The following MAGI3 variants were observed in gnomAD, a reference collection of about 807,000 sequenced individuals.
MAGI3 encodes the protein membrane-associated guanylate kinase, WW and PDZ domain-containing protein 3.
A neutral mutation model predicts 121.8 loss-of-function variants in MAGI3; 43 were observed. That is an observed-to-expected ratio of 0.35 (90% confidence interval 0.28 to 0.46). The LOEUF is 0.46. Among genes scored for constraint, MAGI3 ranks in the 20% least tolerant of loss-of-function variants. MAGI3 has a pLI of 1.00. For synonymous variants in MAGI3, 553 were observed against 639.3 expected, an observed-to-expected ratio of 0.86 and a Z score of 2.04; for missense variants, 1,547 against 1,797.3, an observed-to-expected ratio of 0.86 and a Z score of 2.52.
chr1:113,658,175 A>G lies in MAGI3; in HGVS notation c.2630-905A>G, dbSNP rs1653582084. ...GGAAATTCTCAGAGAACATAGAAGG[A>G]ACATTTGTTTCCTAATACAAATGCT... is the stretch of plus-strand genomic sequence containing the variant. On this transcript the variant is annotated intron_variant, in intron 15 of 20. Transcript: ENST00000307546. This position sits in a 1 kb window ranked among gnomAD's most constrained non-coding sequence, Gnocchi z 4.0. Among the ~76,000 whole-genome samples the G allele has an allele frequency of 6.6e-6, 1 of 152,260 alleles. No homozygotes were observed.
At chr1:113,612,610 T>C (rs187759527) in intron 6 of MAGI3, among the ~76,000 whole-genome samples, 42 of 139,624 alleles carry the variant, frequency 3.0e-4, no homozygotes, top group Non-Finnish European at 5.7e-4. Context: ...TAAATTGCCC[T>C]GTGTGAAAAC....
intron 2 of MAGI3, among the ~76,000 whole-genome samples, chr1:113,574,323 G>A (rs1647489951): frequency 6.6e-6 from 1 of 152,084 alleles, no homozygotes; most frequent in Non-Finnish European, 1.5e-5. Context: ...TCTTTGCAGT[G>A]GCTGGTACCA....
At chr1:113,574,706 A>G (rs540785227) in intron 2 of MAGI3, among the ~76,000 whole-genome samples, 40 of 152,228 alleles carry the variant, frequency 2.6e-4, no homozygotes, top group African/African-American at 5.5e-4. Flanking sequence ...AGTGTTCTCT[A>G]TATTTCCTGA....
rs909885712 is a variant in MAGI3, at chr1:113,450,774, G to A, written c.316+59425G>A. The A allele has an allele frequency of 3.7e-6, 3 of 816,516 alleles. No individual in the cohort carries two copies. The African/African-American group carries it at 5.0e-5, about 14-fold the overall frequency. 50.6% of individuals were successfully genotyped at this position (816,516 alleles called of 1,614,324 possible). On this transcript the variant is annotated intron_variant, in intron 1 of 20. Coordinates refer to ENST00000307546, the MANE Select transcript of MAGI3 (RefSeq NM_001142782.2). ...GCTACAGTTCTTAGTAGGAGAGAGA[G>A]CGAGGAGTTGTCAGGAAAACTGCAG...
chr1:113,597,943 G>A (rs1225253021), intron 6 of MAGI3, among the ~76,000 whole-genome samples: 1 of 152,194 alleles, frequency 6.6e-6, no homozygotes, highest in African/African-American at 2.4e-5. Context: ...GCCAGGCACG[G>A]TGGCTCACAC....
rs1648282977 is a variant in MAGI3 at position 113,449,881 on chromosome 1, A to G, written c.316+58532A>G. 61 of 1,520,404 alleles carry G rather than the reference A, an allele frequency of 4.0e-5. No individual in the cohort carries two copies. The South Asian group carries it at 6.7e-4, about 17-fold the overall frequency. 94.2% of individuals were successfully genotyped at this position (1,520,404 alleles called of 1,614,324 possible). A position where few individuals can be genotyped will look rare whatever the true frequency, so the allele number is the denominator to read the frequency against. On this transcript the variant is annotated intron_variant, in intron 1 of 20. Coordinates refer to ENST00000307546, the MANE Select transcript of MAGI3 (RefSeq NM_001142782.2). ...TCCAGGGGCTTTGGTTTTGTGACTT[A>G]TTCTTGTGTTGAAGAGGTGGATGCA... is the stretch of plus-strand genomic sequence containing the variant.
At chr1:113,444,437 A>G (rs1183153573) in intron 1 of MAGI3, among the ~76,000 whole-genome samples, 1 of 152,204 alleles carries the variant, frequency 6.6e-6, no homozygotes, top group African/African-American at 2.4e-5. Flanking sequence ...GAAAGGCTAG[A>G]ATATTCAAAA....
chr1:113,545,083 GTTTTT>G lies in MAGI3; in HGVS notation c.317-4426_317-4422del, dbSNP rs71962960. ...GTTTTTTGTTTGTTTGTTTTGTTTTGTTTTTTTTTTACAAAATCACTGAGAATATG... is the reference window on the plus strand; with the variant it reads ...GTTTTTTGTTTGTTTGTTTTGTTTTGTTTTTACAAAATCACTGAGAATATG... On this transcript the variant is annotated intron_variant, in intron 1 of 20. Coordinates refer to ENST00000307546, the MANE Select transcript of MAGI3 (RefSeq NM_001142782.2). Among the ~76,000 whole-genome samples the G allele has an allele frequency of 1.5e-3, 219 of 143,372 alleles. 1 individual carries two copies. The highest frequency in any genetic ancestry group is 2.7e-4 in the Non-Finnish European group (18 of 65,524). The allele number at this position is 143,372 out of a possible 152,430, so 94.1% of individuals were successfully genotyped here.
intron 1 of MAGI3, among the ~76,000 whole-genome samples, chr1:113,531,337 T>G (rs1218624550): frequency 1.3e-5 from 2 of 152,172 alleles, no homozygotes; most frequent in Non-Finnish European, 2.9e-5. Context: ...TGCTGGCACT[T>G]GATGATAAAA....
chr1:113,634,019 C>G (rs1651836031), intron 9 of MAGI3, among the ~76,000 whole-genome samples: 1 of 150,926 alleles, frequency 6.6e-6, no homozygotes, highest in Admixed American at 6.6e-5. Flanking sequence ...TGTTTTTTGG[C>G]TGCATAAATG....
intron 1 of MAGI3, among the ~76,000 whole-genome samples, chr1:113,416,023 T>TGAA (rs1652291138): frequency 6.7e-6 from 1 of 149,582 alleles, no homozygotes; most frequent in African/African-American, 2.4e-5. Context: ...AATTATGTAA[T>TGAA]TAATGACACA....
intron 1 of MAGI3, among the ~76,000 whole-genome samples, chr1:113,433,761 T>G (rs1160178784): frequency 2.6e-5 from 4 of 152,214 alleles, no homozygotes; most frequent in East Asian, 1.9e-4. Context: ...GTCTTTTTTT[T>G]GTAACCTTTG....
intron 1 of MAGI3, among the ~76,000 whole-genome samples, chr1:113,448,877 T>G (rs990338883): frequency 6.6e-6 from 1 of 152,126 alleles, no homozygotes; most frequent in East Asian, 1.9e-4. Flanking sequence ...TCCAGCACTT[T>G]GAGAGGCGAG....
intron 8 of MAGI3, among the ~76,000 whole-genome samples, chr1:113,620,138 G>A (rs1383216107): frequency 6.6e-6 from 1 of 152,054 alleles, no homozygotes; most frequent in African/African-American, 2.4e-5. Flanking sequence ...ACCAATATTA[G>A]GTCTCCAGTT....
chr1:113,679,606 C>T (rs775985503), intron 19 of MAGI3, among the ~76,000 whole-genome samples: 1 of 152,048 alleles, frequency 6.6e-6, no homozygotes, highest in Non-Finnish European at 1.5e-5. Flanking sequence ...ACATATTTTC[C>T]CTTTTTCTTT....
Position 113,391,445 on chromosome 1 carries a change from C to A in MAGI3, c.316+96C>A. On this transcript the variant is annotated intron_variant, in intron 1 of 20. Transcript: ENST00000307546. This position sits in a 1 kb window ranked among gnomAD's most constrained non-coding sequence, Gnocchi z 4.4. ...GCGGCACCTCCCCACCGCGTATTGTCCCGGGTAATCTTAGACCTCTAGGGT... is the reference window on the plus strand; with the variant it reads ...GCGGCACCTCCCCACCGCGTATTGTACCGGGTAATCTTAGACCTCTAGGGT... The A allele has an allele frequency of 7.4e-7, 1 of 1,349,388 alleles. No homozygotes were observed. The highest frequency in any genetic ancestry group is 1.0e-6 in the Non-Finnish European group (1 of 975,656). The allele number at this position is 1,349,388 out of a possible 1,614,324, so 83.6% of individuals were successfully genotyped here. A position where few individuals can be genotyped will look rare whatever the true frequency, so the allele number is the denominator to read the frequency against.
chr1:113,451,318 G>A (rs1359231710), intron 1 of MAGI3, among the ~76,000 whole-genome samples: 1 of 152,054 alleles, frequency 6.6e-6, no homozygotes, highest in Non-Finnish European at 1.5e-5. Flanking sequence ...ACAGATAGTT[G>A]ACTATTTTTC....
intron 1 of MAGI3, among the ~76,000 whole-genome samples, chr1:113,468,882 TG>T (rs1463601902): frequency 1.3e-5 from 2 of 152,190 alleles, no homozygotes; most frequent in Non-Finnish European, 2.9e-5. Flanking sequence ...GAGCTCCTTA[TG>T]GGGAAGGACC....
chr1:113,599,333 AAAG>A (rs533713723), intron 6 of MAGI3, among the ~76,000 whole-genome samples: 3 of 152,182 alleles, frequency 2.0e-5, no homozygotes, highest in Non-Finnish European at 4.4e-5. Context: ...CAAGACTAAT[AAAG>A]AAGAAAAGAG....
Sources: allele counts gnomAD v4.1 joint callset (sites outside exome capture counted in the v4.1 genomes callset), GRCh38; gene constraint gnomAD v4.1.1; non-coding constraint Gnocchi (gnomAD v3.1); transcripts MANE v1.5; gene names NCBI Gene and HGNC (gene_info 2026-07-23, HGNC 2026-07-21).